LPCAT2: variants seen among roughly 807,000 people sequenced by gnomAD.
The protein encoded by LPCAT2 is lysophosphatidylcholine acyltransferase 2.
A neutral mutation model predicts 64.7 loss-of-function variants in LPCAT2; 58 were observed. The ratio of observed to expected loss-of-function variants is 0.90; its 90% CI spans 0.73 to 1.12. The LOEUF (loss-of-function observed/expected upper bound fraction) is 1.12. Among genes scored for constraint, LPCAT2 ranks in the 50% most tolerant of loss-of-function variants. The probability of loss-of-function intolerance (pLI) is 0.00; values close to 1 mark genes in which losing one functional copy is unlikely to be tolerated. For synonymous variants in LPCAT2, 252 were observed against 245.3 expected (o/e 1.03, Z -0.26); for missense variants, 579 against 669.8 (o/e 0.86, Z 1.50).
intron 11 of LPCAT2, among the ~76,000 whole-genome samples, chr16:55,551,579 T>C (rs1200683828): frequency 3.9e-5 from 6 of 152,128 alleles, no homozygotes; most frequent in African/African-American, 1.4e-4. Flanking sequence ...GAAGACCAAA[T>C]AGATTTTTAT....
intron 4 of LPCAT2, among the ~76,000 whole-genome samples, chr16:55,531,388 C>T (rs1305935337): frequency 6.6e-6 from 1 of 151,932 alleles, no homozygotes; most frequent in African/African-American, 2.4e-5. Context: ...AAAACACTGC[C>T]TCAAAAAGAA....
chr16:55,558,487 A>G (rs1963601330), intron 11 of LPCAT2, among the ~76,000 whole-genome samples: 1 of 152,154 alleles, frequency 6.6e-6, no homozygotes, highest in Admixed American at 6.5e-5. Context: ...CCAATATACC[A>G]TATTATCTGC....
chr16:55,552,177 T>C (rs1963525095), intron 11 of LPCAT2, among the ~76,000 whole-genome samples: 1 of 152,228 alleles, frequency 6.6e-6, no homozygotes, highest in South Asian at 2.1e-4. Flanking sequence ...CCAGATGTCA[T>C]ATAAATGGAA....
chr16:55,562,026 A>G (rs560354587), intron 11 of LPCAT2, among the ~76,000 whole-genome samples: 8 of 152,150 alleles, frequency 5.3e-5, no homozygotes, highest in Non-Finnish European at 1.0e-4. Context: ...CATAATTTCC[A>G]AAGTAATTTC....
intron 7 of LPCAT2, 29 bp from the exon 8 acceptor site, chr16:55,537,549 A>G: frequency 6.3e-7 from 1 of 1,579,926 alleles, no homozygotes. Flanking sequence ...ATGACTGTAT[A>G]AAGATAGACT....
chr16:55,523,742 C>A (rs1210029738), intron 1 of LPCAT2, among the ~76,000 whole-genome samples: 1 of 151,862 alleles, frequency 6.6e-6, no homozygotes, highest in Non-Finnish European at 1.5e-5. Flanking sequence ...GAAAGAAAGC[C>A]TATCAGTGGT....
intron 11 of LPCAT2, chr16:55,567,204 A>G: frequency 6.2e-7 from 1 of 1,613,906 alleles, no homozygotes. Flanking sequence ...TCTGTGGAAC[A>G]ACATCAAGAA....
intron 1 of LPCAT2, 34 bp from the exon 2 acceptor site, chr16:55,525,474 C>T (rs1295944292): frequency 5.1e-6 from 8 of 1,570,212 alleles, no homozygotes; most frequent in Non-Finnish European, 7.0e-6. Flanking sequence ...AAAATAATGT[C>T]CATTCATTTA....
intron 13 of LPCAT2, among the ~76,000 whole-genome samples, chr16:55,581,852 A>G (rs1963890201): frequency 6.6e-6 from 1 of 152,190 alleles, no homozygotes; most frequent in East Asian, 1.9e-4. Context: ...AAGTCCTGAT[A>G]GTTAACTAAG....
rs778525429 is a variant in LPCAT2, at chr16:55,579,219, A to C, written c.1425A>C (p.Ile475=). 2.5e-6 allele frequency: 4 copies of C among 1,613,196 alleles called. No homozygotes were observed. The highest frequency in any genetic ancestry group is 3.4e-6 in the Non-Finnish European group (4 of 1,179,534). ...DLDVSGLFKE[I]AQGDSISYEE... ...ATGTTTCTGGTCTCTTCAAGGAAAT[A>C]GCCCAAGGGGACTCAATTTCCTATG... Residue 475 remains isoleucine, a synonymous_variant, in exon 13 of 14, where the codon ATA becomes ATC. Coordinates refer to ENST00000262134, the MANE Select transcript of LPCAT2 (RefSeq NM_017839.5).
chr16:55,542,581 T>G (rs530854709), intron 8 of LPCAT2, among the ~76,000 whole-genome samples: 132 of 152,166 alleles, frequency 8.7e-4, no homozygotes, highest in Non-Finnish European at 1.5e-3. Flanking sequence ...GCTGAGGATG[T>G]GTGATTGGCA....
At chr16:55,539,074 C>T (rs1260061072) in intron 8 of LPCAT2, 2 of 152,088 alleles carry the variant, frequency 1.3e-5, no homozygotes, top group East Asian at 3.9e-4. Context: ...TCTCAATGTA[C>T]CCCTCTGTAG....
Position 55,509,252 on chromosome 16 carries a change from T to G in LPCAT2, c.71T>G (p.Leu24Arg). 1.3e-6 allele frequency: 2 copies of G among 1,494,568 alleles called. No individual in the cohort carries two copies. The highest frequency in any genetic ancestry group is 2.5e-5 in the South Asian group (2 of 78,496). 92.6% of individuals were successfully genotyped at this position (1,494,568 alleles called of 1,614,324 possible). A position where few individuals can be genotyped will look rare whatever the true frequency, so the allele number is the denominator to read the frequency against. The stretch of plus-strand genomic sequence containing the variant: ...GGTGCCGGCGTCGGGAACGTGGGGC[T>G]GCGGCCGCCCATGGTGCCCCGTCAG... ...VPGAGVGNVG[L>R]RPPMVPRQAS... is the part of the protein sequence containing the mutation. Residue 24 changes from leucine (L) to arginine (R), a missense_variant, in exon 1 of 14, where the codon CTG becomes CGG. Physicochemically the swap from Leu to Arg is moderately radical, Grantham distance 102. Coordinates refer to ENST00000262134, the MANE Select transcript of LPCAT2 (RefSeq NM_017839.5).
At chr16:55,539,298 A>C (rs1963367265) in intron 8 of LPCAT2, 1 of 142,178 alleles carries the variant, frequency 7.0e-6, no homozygotes, top group African/African-American at 2.7e-5. Context: ...TGCATTCTCC[A>C]GCCAGTTCTG....
intron 11 of LPCAT2, chr16:55,566,783 A>C: frequency 6.2e-7 from 1 of 1,613,508 alleles, no homozygotes; most frequent in Non-Finnish European, 8.5e-7. Context: ...CTCTATTGGA[A>C]GGAGCAGATC....
rs765089371 is a variant in LPCAT2 at position 55,537,572 on chromosome 16, CT to C, written c.798-4del. On this transcript the variant is annotated splice_region_variant and splice_polypyrimidine_tract_variant and intron_variant, in intron 7 of 13. Coordinates refer to ENST00000262134, the MANE Select transcript of LPCAT2 (RefSeq NM_017839.5). ...ATAAAGATAGACTTTTCTTTTTTCT[CT>C]TCAGCATTCAGCTTTGTATGCTTAC... 6.2e-7 allele frequency: 1 copy of C among 1,610,230 alleles called. No individual in the cohort carries two copies. Among genetic ancestry groups the C allele is most frequent in the South Asian group, 1.1e-5 (1 of 90,588 alleles).
intron 1 of LPCAT2, among the ~76,000 whole-genome samples, chr16:55,510,615 G>C (rs1157314337): frequency 1.3e-5 from 2 of 152,212 alleles, no homozygotes; most frequent in African/African-American, 4.8e-5. Context: ...GTGGTGGCTT[G>C]AGTAATGGTA....
chr16:55,567,084 A>G (rs1345862246), intron 11 of LPCAT2: 2 of 1,613,706 alleles, frequency 1.2e-6, no homozygotes, highest in Admixed American at 1.7e-5. Context: ...AGTCCTTTCT[A>G]AGCACAAAGA....
Position 55,564,425 on chromosome 16 carries a change from A to G in LPCAT2, c.1216-10206A>G, listed in dbSNP as rs142809589. On this transcript the variant is annotated intron_variant, in intron 11 of 13. Transcript: ENST00000262134. ...AAAGAATAGCAAAGTTGAAAGCCTG[A>G]CATTTCCTCATTTCAAACCTTACTT... is the stretch of plus-strand genomic sequence containing the variant. Among the ~76,000 whole-genome samples, 359 of 152,040 alleles carry G rather than the reference A, an allele frequency of 2.4e-3. 2 individuals are homozygous for G. The highest frequency in any genetic ancestry group is 4.1e-3 in the Non-Finnish European group (280 of 67,832).
Sources: allele counts gnomAD v4.1 joint callset (sites outside exome capture counted in the v4.1 genomes callset), GRCh38; gene constraint gnomAD v4.1.1; transcripts MANE v1.5; gene names NCBI Gene and HGNC (gene_info 2026-07-23, HGNC 2026-07-21).